MBD5: variants seen among roughly 807,000 people sequenced by gnomAD.
The protein encoded by MBD5 is methyl-CpG binding domain protein 5.
MBD5 carries 13 observed loss-of-function variants against 117.3 expected under a neutral mutation model. That is an observed-to-expected ratio of 0.11 (90% CI 0.07 to 0.18). The LOEUF is 0.18. MBD5 is among the 10% of genes least tolerant of loss of function. The probability of loss-of-function intolerance (pLI) is 1.00; values close to 1 mark genes in which losing one functional copy is unlikely to be tolerated. For missense variants in MBD5, 1,879 were observed against 2,093.8 expected (o/e 0.90, Z 2.00); for synonymous variants, 727 against 766.4 (o/e 0.95, Z 0.85).
At chr2:148,455,992 C>T (rs149098734) in intron 4 of MBD5, among the ~76,000 whole-genome samples, 24 of 152,222 alleles carry the variant, frequency 1.6e-4, no homozygotes, top group Non-Finnish European at 3.4e-4. Context: ...CTAGAAATTC[C>T]ATGAGGCCAC....
At chr2:148,439,067 A>T (rs1706238992) in intron 4 of MBD5, among the ~76,000 whole-genome samples, 1 of 152,182 alleles carries the variant, frequency 6.6e-6, no homozygotes, top group Non-Finnish European at 1.5e-5. Context: ...CTTAATTTCC[A>T]AATAAAGACA....
chr2:148,197,355 G>A (rs960121525), intron 2 of MBD5, among the ~76,000 whole-genome samples: 4 of 152,152 alleles, frequency 2.6e-5, no homozygotes, highest in African/African-American at 9.7e-5. Context: ...TATCCCTGCT[G>A]AACTCTGCCT....
chr2:148,130,371 A>G (rs1030857955), intron 1 of MBD5, among the ~76,000 whole-genome samples: 4 of 152,100 alleles, frequency 2.6e-5, no homozygotes, highest in African/African-American at 4.8e-5. Context: ...TCTTTTATGG[A>G]ATGGTACAGC....
At chr2:148,402,759 A>G (rs1466499106) in intron 4 of MBD5, among the ~76,000 whole-genome samples, 2 of 152,118 alleles carry the variant, frequency 1.3e-5, no homozygotes, top group Admixed American at 6.5e-5. Context: ...TAGTTTATCT[A>G]TTGACTTGTT....
chr2:148,098,508 T>C (rs772232282), intron 1 of MBD5, among the ~76,000 whole-genome samples: 1 of 152,084 alleles, frequency 6.6e-6, no homozygotes, highest in East Asian at 1.9e-4. Context: ...ACAGGGGGAA[T>C]GTGTACTGAG....
intron 4 of MBD5, among the ~76,000 whole-genome samples, chr2:148,397,133 C>T (rs1370282582): frequency 6.6e-6 from 1 of 152,044 alleles, no homozygotes; most frequent in African/African-American, 2.4e-5. Context: ...ATCCTAGAGG[C>T]CCTTAATACA....
intron 12 of MBD5, among the ~76,000 whole-genome samples, chr2:148,506,136 CTCAA>C (rs1176304720): frequency 2.6e-5 from 4 of 152,154 alleles, no homozygotes; most frequent in Non-Finnish European, 5.9e-5. Context: ...CCTCAGTATC[CTCAA>C]TCAAACTGTA....
chr2:148,318,296 TG>T (rs955140755), intron 3 of MBD5, among the ~76,000 whole-genome samples: 167 of 151,638 alleles, frequency 1.1e-3, no homozygotes, highest in African/African-American at 3.7e-3. Context: ...TACTTCTTAA[TG>T]TTTTTTTTTT....
At chr2:148,446,124 C>T (rs1256015876) in intron 4 of MBD5, among the ~76,000 whole-genome samples, 2 of 151,078 alleles carry the variant, frequency 1.3e-5, no homozygotes, top group East Asian at 1.9e-4. Context: ...TGTGCACAAG[C>T]TCTTTAGTTT....
chr2:148,147,533 C>T (rs915839600), intron 1 of MBD5, among the ~76,000 whole-genome samples: 8 of 152,100 alleles, frequency 5.3e-5, no homozygotes, highest in Non-Finnish European at 1.0e-4. Flanking sequence ...AGTCACCATG[C>T]CCAGCCCCAA....
In MBD5 at chr2:148,513,998, A is replaced by G. The variant is rs935613647; in HGVS notation, c.*1057A>G. Reference sequence around the variant, plus strand: ...AATTCATTTTTTTGTAGTGGCAAATATAAATATGAATCATCAAAGCAAGTT... The same window carrying G: ...AATTCATTTTTTTGTAGTGGCAAATGTAAATATGAATCATCAAAGCAAGTT... On this transcript the variant is annotated 3_prime_UTR_variant, in exon 14 of 14. Coordinates refer to ENST00000642680, the MANE Select transcript of MBD5 (RefSeq NM_001378120.1). The G allele has an allele frequency of 6.6e-6, 1 of 152,244 alleles. No homozygotes were observed. Among genetic ancestry groups the G allele is most frequent in the African/African-American group, 2.4e-5 (1 of 41,472 alleles). The allele number at this position is 152,244 out of a possible 1,614,324, so 9.4% of individuals were successfully genotyped here.
chr2:148,466,617 A>G (rs891617222), intron 7 of MBD5, among the ~76,000 whole-genome samples: 1 of 152,168 alleles, frequency 6.6e-6, no homozygotes, highest in African/African-American at 2.4e-5. Context: ...CAAAATATTA[A>G]CGTTTTTCAT....
intron 3 of MBD5, among the ~76,000 whole-genome samples, chr2:148,325,504 A>G (rs938355850): frequency 6.6e-6 from 1 of 152,204 alleles, no homozygotes; most frequent in Non-Finnish European, 1.5e-5. Context: ...TTATTGCCAC[A>G]ATATCAGCTC....
intron 4 of MBD5, among the ~76,000 whole-genome samples, chr2:148,380,394 A>G (rs1403700884): frequency 4.6e-5 from 7 of 152,210 alleles, no homozygotes; most frequent in Non-Finnish European, 1.0e-4. Flanking sequence ...AAGTCTCAGC[A>G]AATTTCAAAG....
rs945698146 is a variant in MBD5 at position 148,021,159 on chromosome 2, C to G, written c.-1450C>G. On this transcript the variant is annotated 5_prime_UTR_variant, in exon 1 of 14. Transcript: ENST00000642680. ...AGAGGCAGTGGCAGAGGGGGGGCAC[C>G]TTTTATTTCTATTTTTAAAGGGACA... is the stretch of plus-strand genomic sequence containing the variant. 7.0e-5 allele frequency: 11 copies of G among 157,844 alleles called. No homozygotes were observed. Among genetic ancestry groups the G allele is most frequent in the Admixed American group, 1.3e-4 (2 of 15,722 alleles). The allele number at this position is 157,844 out of a possible 1,614,324, so 9.8% of individuals were successfully genotyped here.
intron 3 of MBD5, among the ~76,000 whole-genome samples, chr2:148,242,156 A>C (rs989994253): frequency 1.3e-5 from 2 of 152,148 alleles, no homozygotes; most frequent in Admixed American, 1.3e-4. Flanking sequence ...TAAATGTGAA[A>C]ATATACGTAA....
chr2:148,145,593 A>G (rs190677674), intron 1 of MBD5, among the ~76,000 whole-genome samples: 5,756 of 152,232 alleles, frequency 0.038, 125 homozygotes, highest in Middle Eastern at 0.068. Flanking sequence ...GTTTGTCATA[A>G]ATAGCTCTTA....
intron 3 of MBD5, among the ~76,000 whole-genome samples, chr2:148,325,610 A>G: frequency 6.6e-6 from 1 of 152,130 alleles, no homozygotes; most frequent in East Asian, 1.9e-4. Context: ...TAGATTTTCT[A>G]GTATATTTGC....
chr2:148,463,083 C>G (rs1289763331), intron 6 of MBD5, among the ~76,000 whole-genome samples: 1 of 152,010 alleles, frequency 6.6e-6, no homozygotes, highest in Non-Finnish European at 1.5e-5. Context: ...AAAACTGAAC[C>G]CTCCTAGCCA....
Sources: gnomAD v4.1 joint callset for allele counts (sites outside exome capture counted in the v4.1 genomes callset) on GRCh38, gnomAD v4.1.1 for gene constraint, MANE v1.5 for transcripts, NCBI Gene and HGNC (gene_info 2026-07-23, HGNC 2026-07-21) for gene names.